PIP5K1B: variants seen among roughly 807,000 people sequenced by gnomAD.
The protein encoded by PIP5K1B is phosphatidylinositol-4-phosphate 5-kinase type 1 beta.
PIP5K1B carries 42 observed loss-of-function variants against 67.0 expected under a neutral mutation model. The ratio of observed to expected loss-of-function variants is 0.63; its 90% CI spans 0.49 to 0.81. PIP5K1B has a LOEUF of 0.81. PIP5K1B is among the 30% of genes least tolerant of loss of function. The probability of loss-of-function intolerance (pLI) is 0.00; values close to 1 mark genes in which losing one functional copy is unlikely to be tolerated. For missense variants in PIP5K1B, 459 were observed against 646.3 expected (o/e 0.71, Z 3.14); for synonymous variants, 214 against 231.4 (o/e 0.92, Z 0.68).
chr9:68,723,945 CCAGA>C (rs764239730), intron 1 of PIP5K1B, among the ~76,000 whole-genome samples: 57 of 151,808 alleles, frequency 3.8e-4, no homozygotes, highest in Non-Finnish European at 8.0e-4. Flanking sequence ...AAATTATTGC[CCAGA>C]CAAATATCTT....
chr9:68,841,376 G>A (rs1265168404), intron 4 of PIP5K1B, among the ~76,000 whole-genome samples: 1 of 152,144 alleles, frequency 6.6e-6, no homozygotes, highest in Non-Finnish European at 1.5e-5. Flanking sequence ...AGAACCATTT[G>A]CTATATTATT....
intron 2 of PIP5K1B, chr9:68,789,338 C>T: frequency 2.6e-6 from 1 of 385,748 alleles, no homozygotes; most frequent in Non-Finnish European, 5.0e-6. Flanking sequence ...TCTTCTGATG[C>T]CGCATAAATC....
intron 15 of PIP5K1B, among the ~76,000 whole-genome samples, chr9:69,006,651 G>A (rs1587797228): frequency 6.6e-6 from 1 of 152,064 alleles, no homozygotes; most frequent in East Asian, 1.9e-4. Context: ...ATTCCCCTGG[G>A]GTCCTGGCTC....
intron 1 of PIP5K1B, chr9:68,742,271 T>TA (rs1234346920): frequency 3.3e-5 from 5 of 152,226 alleles, no homozygotes; most frequent in Non-Finnish European, 7.3e-5. Flanking sequence ...TTCCAAGTTC[T>TA]AAACAGCTGA....
chr9:68,838,441 CATAA>C (rs1821749796), intron 4 of PIP5K1B, among the ~76,000 whole-genome samples: 1 of 152,186 alleles, frequency 6.6e-6, no homozygotes, highest in African/African-American at 2.4e-5. Flanking sequence ...TTAATAGATA[CATAA>C]ATAAAAATCC....
At chr9:68,754,613 T>C (rs895634602) in intron 2 of PIP5K1B, among the ~76,000 whole-genome samples, 2 of 152,348 alleles carry the variant, frequency 1.3e-5, no homozygotes, top group African/African-American at 2.4e-5. Context: ...AGGGAAGCTA[T>C]TGATTTTTGT....
chr9:68,939,609 C>T (rs1827455837), intron 13 of PIP5K1B, among the ~76,000 whole-genome samples: 1 of 152,184 alleles, frequency 6.6e-6, no homozygotes, highest in South Asian at 2.1e-4. Flanking sequence ...CTGCAGTTTT[C>T]TATTTTGACT....
chr9:68,978,455 T>A (rs906208610), intron 14 of PIP5K1B, among the ~76,000 whole-genome samples: 1 of 152,236 alleles, frequency 6.6e-6, no homozygotes, highest in Admixed American at 6.5e-5. Context: ...ATTTCCTTCT[T>A]TTTTAAGGAT....
At chr9:68,787,863 C>T (rs1475419407) in intron 2 of PIP5K1B, among the ~76,000 whole-genome samples, 2 of 152,120 alleles carry the variant, frequency 1.3e-5, no homozygotes, top group Non-Finnish European at 2.9e-5. Context: ...AATCTCCTGA[C>T]CTCTGGTGAT....
intron 14 of PIP5K1B, among the ~76,000 whole-genome samples, chr9:68,962,293 CCTAA>C (rs1484702761): frequency 2.0e-5 from 3 of 152,012 alleles, no homozygotes; most frequent in African/African-American, 2.4e-5. Flanking sequence ...ACATTTATCC[CCTAA>C]CTAAAGGCAG....
chr9:68,987,733 C>T (rs1229782969), intron 14 of PIP5K1B, among the ~76,000 whole-genome samples: 1 of 151,986 alleles, frequency 6.6e-6, no homozygotes, highest in Non-Finnish European at 1.5e-5. Context: ...TGGTGGAAGG[C>T]TAAAGGCACT....
intron 8 of PIP5K1B, among the ~76,000 whole-genome samples, chr9:68,898,384 T>C (rs7043868): frequency 0.48 from 73,536 of 151,910 alleles, 18,364 homozygotes; most frequent in South Asian, 0.6. Flanking sequence ...TATCCCTTGG[T>C]CTGACCCTCT....
At chr9:68,826,291 G>C (rs1833974122) in intron 4 of PIP5K1B, among the ~76,000 whole-genome samples, 1 of 152,196 alleles carries the variant, frequency 6.6e-6, no homozygotes, top group Admixed American at 6.5e-5. Flanking sequence ...AGAAGGGAGT[G>C]AGAAAACGAG....
intron 8 of PIP5K1B, among the ~76,000 whole-genome samples, chr9:68,903,360 T>C (rs1825456848): frequency 6.6e-6 from 1 of 152,216 alleles, no homozygotes. Flanking sequence ...AGAACCAAGG[T>C]AAATCATGTC....
intron 2 of PIP5K1B, among the ~76,000 whole-genome samples, chr9:68,791,584 G>A (rs1020889581): frequency 1.3e-5 from 2 of 151,976 alleles, no homozygotes; most frequent in African/African-American, 2.4e-5. Flanking sequence ...TCCTCTTGGG[G>A]AAAAAAGGTA....
chr9:68,795,150 TGA>T (rs143940186), intron 2 of PIP5K1B, among the ~76,000 whole-genome samples: 258 of 149,992 alleles, frequency 1.7e-3, no homozygotes, highest in African/African-American at 4.9e-3. Context: ...TGTGTGTGTG[TGA>T]GAGAGAGAGA....
intron 5 of PIP5K1B, among the ~76,000 whole-genome samples, chr9:68,869,820 TAATAAA>T: frequency 6.6e-6 from 1 of 152,198 alleles, no homozygotes; most frequent in South Asian, 2.1e-4. Flanking sequence ...TCTTTATATT[TAATAAA>T]AATAAAAATA....
chr9:68,791,592 G>A (rs1487038426), intron 2 of PIP5K1B, among the ~76,000 whole-genome samples: 1 of 152,134 alleles, frequency 6.6e-6, no homozygotes, highest in Non-Finnish European at 1.5e-5. Context: ...GGGAAAAAAG[G>A]TAAATAATAT....
At chr9:68,886,724 T>A (rs1271795561) in intron 6 of PIP5K1B, among the ~76,000 whole-genome samples, 1 of 152,230 alleles carries the variant, frequency 6.6e-6, no homozygotes, top group African/African-American at 2.4e-5. Context: ...GGCAACAGTC[T>A]ATGAATTATG....
Sources: allele counts gnomAD v4.1 joint callset (sites outside exome capture counted in the v4.1 genomes callset), GRCh38; gene constraint gnomAD v4.1.1; transcripts MANE v1.5; gene names NCBI Gene and HGNC (gene_info 2026-07-23, HGNC 2026-07-21).